The following WWP2 variants were observed in gnomAD, a reference collection of about 807,000 sequenced individuals.
The protein encoded by WWP2 is NEDD4-like E3 ubiquitin-protein ligase WWP2.
In WWP2, 57 loss-of-function variants were observed where a neutral mutation model predicts 121.0. The observed-to-expected ratio is 0.47, with a 90% CI of 0.38 to 0.59. The LOEUF is 0.59. Among genes scored for constraint, WWP2 ranks in the 20% least tolerant of loss-of-function variants. The pLI, the probability that WWP2 is intolerant of heterozygous loss-of-function variation, is 0.00. For synonymous variants in WWP2, 449 were observed against 441.3 expected (o/e 1.02, Z -0.22); for missense variants, 962 against 1,158.9 (o/e 0.83, Z 2.47).
intron 9 of WWP2, chr16:69,909,615 CAT>C: frequency 1.0e-6 from 1 of 985,394 alleles, no homozygotes; most frequent in Non-Finnish European, 1.2e-6. Flanking sequence ...GGATGAAACT[CAT>C]AACCTGTCAT....
chr16:69,790,499 G>GA lies in WWP2; in HGVS notation c.70+3423dup, dbSNP rs1247184832. ...TATCTCTTGGGTGGCAAAGGCAGGA[G>GA]AAAATCCATGTAAAAGTGGACCCTT... On this transcript the variant is annotated intron_variant, in intron 2 of 23. Transcript: ENST00000359154. Among the ~76,000 whole-genome samples the GA allele has an allele frequency of 3.3e-5, 5 of 152,150 alleles. No homozygotes were observed. In the East Asian group the frequency reaches 9.6e-4, roughly 29 times the overall value.
intron 4 of WWP2, among the ~76,000 whole-genome samples, chr16:69,833,514 C>T (rs1375545980): frequency 6.6e-6 from 1 of 152,224 alleles, no homozygotes; most frequent in Non-Finnish European, 1.5e-5. Context: ...AGGGCACAGT[C>T]CCTGGGGACT....
chr16:69,816,476 T>A (rs562271259), intron 4 of WWP2, among the ~76,000 whole-genome samples: 1 of 148,180 alleles, frequency 6.7e-6, no homozygotes, highest in East Asian at 2.0e-4. Flanking sequence ...ATATATATAC[T>A]TTATATATGT....
chr16:69,910,619 C>A (rs548808163), intron 9 of WWP2, among the ~76,000 whole-genome samples: 1 of 152,130 alleles, frequency 6.6e-6, no homozygotes, highest in African/African-American at 2.4e-5. Context: ...CCATTTTGGC[C>A]AGGCTGGTCT....
chr16:69,931,086 G>A, intron 13 of WWP2, 66 bp from the exon 14 acceptor site: 1 of 1,538,788 alleles, frequency 6.5e-7, no homozygotes, highest in South Asian at 1.1e-5. Context: ...CCTTAGGGCT[G>A]ACAAAGACAA....
At chr16:69,890,435 C>T (rs2058005477) in intron 8 of WWP2, among the ~76,000 whole-genome samples, 1 of 152,056 alleles carries the variant, frequency 6.6e-6, no homozygotes, top group African/African-American at 2.4e-5. Flanking sequence ...TAATCAATTG[C>T]TTTGTGTCCA....
At chr16:69,779,631 G>A (rs564515918) in intron 1 of WWP2, among the ~76,000 whole-genome samples, 1 of 152,222 alleles carries the variant, frequency 6.6e-6, no homozygotes, top group East Asian at 1.9e-4. Flanking sequence ...CAGGACCAAA[G>A]GCTCAAAACT....
At chr16:69,794,177 C>T (rs1035621797) in intron 2 of WWP2, among the ~76,000 whole-genome samples, 4 of 152,100 alleles carry the variant, frequency 2.6e-5, no homozygotes, top group African/African-American at 9.7e-5. Flanking sequence ...CTTAGCCTCC[C>T]AAAGTGCTGG....
chr16:69,824,138 C>A (rs953762507), intron 4 of WWP2, among the ~76,000 whole-genome samples: 4 of 152,224 alleles, frequency 2.6e-5, no homozygotes, highest in African/African-American at 9.7e-5. Flanking sequence ...TCCGCCTGAC[C>A]GTCCATTCCA....
intron 4 of WWP2, among the ~76,000 whole-genome samples, chr16:69,801,194 A>G (rs1411803721): frequency 6.7e-6 from 1 of 149,458 alleles, no homozygotes; most frequent in Non-Finnish European, 1.5e-5. Context: ...AAAAAAAAAA[A>G]AAAGCAATTT....
At chr16:69,833,341 T>G (rs1304082315) in intron 4 of WWP2, among the ~76,000 whole-genome samples, 2 of 152,224 alleles carry the variant, frequency 1.3e-5, no homozygotes, top group African/African-American at 4.8e-5. Flanking sequence ...CTCCCTAAAG[T>G]GTGGGTCTGT....
At chr16:69,822,581 A>T (rs2056612400) in intron 4 of WWP2, among the ~76,000 whole-genome samples, 1 of 151,824 alleles carries the variant, frequency 6.6e-6, no homozygotes, top group Non-Finnish European at 1.5e-5. Context: ...ATGTGTGTTT[A>T]TCAAGGAAGG....
At chr16:69,843,427 C>T (rs576108508) in intron 6 of WWP2, among the ~76,000 whole-genome samples, 1 of 151,962 alleles carries the variant, frequency 6.6e-6, no homozygotes, top group Non-Finnish European at 1.5e-5. Flanking sequence ...GGGTTGGCAC[C>T]TTTGTTTATT....
At chr16:69,775,308 T>C (rs565349753) in intron 1 of WWP2, among the ~76,000 whole-genome samples, 27 of 152,282 alleles carry the variant, frequency 1.8e-4, no homozygotes, top group African/African-American at 6.0e-4. Context: ...TTCATAGGCT[T>C]TATGACCTGC....
intron 8 of WWP2, among the ~76,000 whole-genome samples, chr16:69,905,298 G>T (rs983596605): frequency 1.3e-5 from 2 of 152,200 alleles, no homozygotes; most frequent in Non-Finnish European, 2.9e-5. Flanking sequence ...GCTTTGGGGG[G>T]TGTGTAGAAC....
At position 69,811,063 on chromosome 16, in the gene WWP2, C is replaced by T. The variant is rs188296618; in HGVS notation, c.340+11768C>T. Among the ~76,000 whole-genome samples, 217 of 152,186 alleles carry T rather than the reference C, an allele frequency of 1.4e-3. 2 individuals carry two copies. The highest frequency in any genetic ancestry group is 1.2e-3 in the Non-Finnish European group (81 of 67,998). ...AGCCACCATGCCCGGCTGGAATTTT[C>T]AAACATAATTTTCATGATGCAGCTT... is the stretch of plus-strand genomic sequence containing the variant. On this transcript the variant is annotated intron_variant, in intron 4 of 23. Transcript: ENST00000359154.
intron 1 of WWP2, among the ~76,000 whole-genome samples, chr16:69,779,647 A>G (rs1193860455): frequency 2.6e-5 from 4 of 152,200 alleles, no homozygotes; most frequent in African/African-American, 7.2e-5. Flanking sequence ...AAACTGCTAC[A>G]GTTCAGGAGA....
intron 16 of WWP2, among the ~76,000 whole-genome samples, chr16:69,933,517 G>A (rs77828470): frequency 0.011 from 1,600 of 152,244 alleles, 40 homozygotes; most frequent in East Asian, 0.035. Context: ...TATGTTGCCC[G>A]CCCAGGTAGA....
intron 11 of WWP2, 60 bp from the exon 12 acceptor site, chr16:69,929,388 G>A: frequency 1.3e-6 from 2 of 1,540,132 alleles, no homozygotes; most frequent in South Asian, 1.1e-5. Context: ...GAACCTCAGG[G>A]AAAGGACACC....
Sources: gnomAD v4.1 joint callset for allele counts (sites outside exome capture counted in the v4.1 genomes callset) on GRCh38, gnomAD v4.1.1 for gene constraint, MANE v1.5 for transcripts, NCBI Gene and HGNC (gene_info 2026-07-23, HGNC 2026-07-21) for gene names.